IQSEC1: variants seen among roughly 807,000 people sequenced by gnomAD.
IQSEC1 encodes IQ motif and Sec7 domain ArfGEF 1, also known as IQ motif and SEC7 domain-containing protein 1.
Under a neutral mutation model 91.0 loss-of-function variants are expected in IQSEC1, and 31 were observed. That is an observed-to-expected ratio of 0.34 (90% confidence interval 0.26 to 0.46). The LOEUF (loss-of-function observed/expected upper bound fraction) is 0.46. Ranked by LOEUF, IQSEC1 falls within the 20% of genes least tolerant of loss-of-function variation. The pLI is 1.00. For synonymous variants in IQSEC1, 699 were observed against 662.6 expected, an observed-to-expected ratio of 1.05 and a Z score of -0.84; for missense variants, 1,388 against 1,575.6, an observed-to-expected ratio of 0.88 and a Z score of 2.02.
rs1363884003 is a variant in IQSEC1 at position 13,073,027 on chromosome 3, C to G, written c.-13G>C. 6.4e-7 allele frequency: 1 copy of G among 1,551,634 alleles called. No homozygotes were observed. Among genetic ancestry groups the G allele is most frequent in the Admixed American group, 2.0e-5 (1 of 50,990 alleles). On this transcript the variant is annotated 5_prime_UTR_variant, in exon 1 of 14. Transcript: ENST00000613206. ...TTCTGCAAGCCATCCTGTGTGAATC[C>G]GTTCTTCCCTGTTCTGGCTCCCTCT... is the stretch of plus-strand genomic sequence containing the variant.
At position 13,193,786 on chromosome 3, in the gene IQSEC1, C is replaced by T. The variant is rs1204625677; in HGVS notation, c.273-29653G>A. ...CCCACTTCCCCCGGCCCCACACCCT[C>T]CTGCCTGCACCTGCTCACACCCAGA... On this transcript the variant is annotated intron_variant, in intron 1 of 15. Transcript: ENST00000648114. The surrounding 1 kb of genome is among the most constrained non-coding windows in gnomAD (Gnocchi z 4.2). Among the ~76,000 whole-genome samples the T allele has an allele frequency of 6.6e-6, 1 of 152,184 alleles. No individual in the cohort carries two copies. Among genetic ancestry groups the T allele is most frequent in the Non-Finnish European group, 1.5e-5 (1 of 68,036 alleles).
rs547185921 is a variant in IQSEC1 at position 12,970,427 on chromosome 3, A to G, written c.24-28562T>C. Among the ~76,000 whole-genome samples the G allele has an allele frequency of 6.6e-6, 1 of 152,260 alleles. No homozygotes were observed. Among genetic ancestry groups the G allele is most frequent in the Non-Finnish European group, 1.5e-5 (1 of 68,008 alleles). ...CTTGCCTTGGCCCATTTCACATGCT[A>G]CAACCCGACTTTATCTCTATCCTCC... On this transcript the variant is annotated intron_variant, in intron 1 of 13. Coordinates refer to ENST00000613206, the MANE Select transcript of IQSEC1 (RefSeq NM_001134382.3). The surrounding 1 kb of genome is among the most constrained non-coding windows in gnomAD (Gnocchi z 4.4).
intron 1 of IQSEC1, among the ~76,000 whole-genome samples, chr3:12,968,033 G>A (rs1700721116): frequency 6.6e-6 from 1 of 152,230 alleles, no homozygotes; most frequent in Non-Finnish European, 1.5e-5. Context: ...TCTGGAAGGA[G>A]GACTTTGCGC....
At chr3:13,123,617 T>C (rs1443107079) in intron 2 of IQSEC1, among the ~76,000 whole-genome samples, 1 of 152,252 alleles carries the variant, frequency 6.6e-6, no homozygotes, top group Non-Finnish European at 1.5e-5. Flanking sequence ...AGCCAGCCTT[T>C]GTCAGGTACA....
intron 1 of IQSEC1, among the ~76,000 whole-genome samples, chr3:13,174,677 C>T (rs1203351464): frequency 6.6e-6 from 1 of 152,152 alleles, no homozygotes; most frequent in East Asian, 1.9e-4. Context: ...CAGGTGTGTC[C>T]TCGTGGGTCC....
In IQSEC1 at chr3:13,112,184, A is replaced by G. The variant is rs541936159; in HGVS notation, c.302+51920T>C. Among the ~76,000 whole-genome samples, 14 of 152,318 alleles carry G rather than the reference A, an allele frequency of 9.2e-5. No individual in the cohort carries two copies. In the South Asian group the frequency reaches 2.9e-3, roughly 32 times the overall value. On this transcript the variant is annotated intron_variant, in intron 2 of 15. Coordinates refer to the IQSEC1 transcript ENST00000648114. ...ATCTGTAACCCTAATGCAAACACAC[A>G]GAGGGAGTTAGCGGCTTCCTCCTGG...
chr3:13,088,497 T>G (rs1705779118), intron 2 of IQSEC1, among the ~76,000 whole-genome samples: 1 of 150,622 alleles, frequency 6.6e-6, no homozygotes, highest in African/African-American at 2.5e-5. Flanking sequence ...TCCACACCCC[T>G]CCCTGGTTCC....
chr3:13,025,202 G>A (rs1703565793), intron 1 of IQSEC1, among the ~76,000 whole-genome samples: 1 of 152,240 alleles, frequency 6.6e-6, no homozygotes, highest in Non-Finnish European at 1.5e-5. Context: ...GCGAGGGCAG[G>A]TCTGCGTGGA....
chr3:13,232,244 C>T (rs1343268342), intron 1 of IQSEC1, among the ~76,000 whole-genome samples: 1 of 152,214 alleles, frequency 6.6e-6, no homozygotes, highest in Non-Finnish European at 1.5e-5. Context: ...CCACCACTGT[C>T]CTATCATAGA....
chr3:13,095,129 C>T (rs2125145678), intron 2 of IQSEC1, among the ~76,000 whole-genome samples: 1 of 152,094 alleles, frequency 6.6e-6, no homozygotes, highest in Admixed American at 6.5e-5. Flanking sequence ...AAGAATCTAC[C>T]TCCATCTCTG....
intron 1 of IQSEC1, among the ~76,000 whole-genome samples, chr3:13,005,137 G>T (rs1336067197): frequency 6.6e-6 from 1 of 152,162 alleles, no homozygotes. Flanking sequence ...TTCAATCTTG[G>T]ATATTAACCC....
rs1041797889 is a variant in IQSEC1, at chr3:13,282,231, A to G, written c.272+480T>C. Reference sequence around the variant, plus strand: ...CCGGACTGGACACAGCGCAGAGTCCATTCCAGGGACACCGCAACCCGCAAG... The same window carrying G: ...CCGGACTGGACACAGCGCAGAGTCCGTTCCAGGGACACCGCAACCCGCAAG... On this transcript the variant is annotated intron_variant, in intron 1 of 15. Transcript: ENST00000648114. This position sits in a 1 kb window ranked among gnomAD's most constrained non-coding sequence, Gnocchi z 6.4. 2.6e-5 allele frequency among the ~76,000 whole-genome samples: 4 copies of G among 152,178 alleles called. No individual in the cohort carries two copies. Among genetic ancestry groups the G allele is most frequent in the Non-Finnish European group, 5.9e-5 (4 of 68,010 alleles).
intron 1 of IQSEC1, among the ~76,000 whole-genome samples, chr3:13,034,888 G>C (rs1247220975): frequency 1.3e-5 from 2 of 152,226 alleles, no homozygotes; most frequent in African/African-American, 4.8e-5. Flanking sequence ...CAGCACACAG[G>C]CTCCCCTAAC....
chr3:12,976,306 A>G lies in IQSEC1; in HGVS notation c.24-34441T>C, dbSNP rs553082520. ...AGGGACTCTGCCAGCCCTGCTGAGCACACCCCACAAGCCCAGGTGGGGTCA... is the reference window on the plus strand; with the variant it reads ...AGGGACTCTGCCAGCCCTGCTGAGCGCACCCCACAAGCCCAGGTGGGGTCA... On this transcript the variant is annotated intron_variant, in intron 1 of 13. Coordinates refer to ENST00000613206, the MANE Select transcript of IQSEC1 (RefSeq NM_001134382.3). Among the ~76,000 whole-genome samples, 1,040 of 152,332 alleles carry G rather than the reference A, an allele frequency of 6.8e-3. 16 individuals are homozygous for G. The highest frequency in any genetic ancestry group is 0.024 in the African/African-American group (982 of 41,578).
At chr3:13,091,877 C>T (rs187405666) in intron 2 of IQSEC1, among the ~76,000 whole-genome samples, 1 of 151,706 alleles carries the variant, frequency 6.6e-6, no homozygotes, top group South Asian at 2.1e-4. Context: ...CTAGACTGTT[C>T]AGGCTTCCTC....
chr3:13,101,305 C>T (rs1330309727), intron 2 of IQSEC1, among the ~76,000 whole-genome samples: 1 of 151,980 alleles, frequency 6.6e-6, no homozygotes, highest in Non-Finnish European at 1.5e-5. Context: ...CATGGTGAAA[C>T]CCCATCTCTA....
chr3:13,182,373 C>T lies in IQSEC1; in HGVS notation c.273-18240G>A, dbSNP rs141150299. Among the ~76,000 whole-genome samples the T allele has an allele frequency of 4.5e-3, 683 of 152,286 alleles. 7 individuals carry two copies. The highest frequency in any genetic ancestry group is 9.4e-3 in the Admixed American group (144 of 15,300). The stretch of plus-strand genomic sequence containing the variant: ...CAATCACAGCCCCATACTCACGAGC[C>T]ACAATGACTTGTCCAAGGATAATAA... On this transcript the variant is annotated intron_variant, in intron 1 of 15. Transcript: ENST00000648114.
chr3:12,978,679 T>C (rs1701305542), intron 1 of IQSEC1, among the ~76,000 whole-genome samples: 1 of 150,014 alleles, frequency 6.7e-6, no homozygotes, highest in East Asian at 1.9e-4. Flanking sequence ...CACTCCAACC[T>C]GGGCAATAGA....
upstream of IQSEC1, among the ~76,000 whole-genome samples, chr3:13,075,278 G>A (rs1015432191): frequency 1.3e-5 from 2 of 152,136 alleles, no homozygotes; most frequent in Non-Finnish European, 2.9e-5. Context: ...TCTCAGAAGC[G>A]CCCTACGAAG....
Sources: allele counts gnomAD v4.1 joint callset (sites outside exome capture counted in the v4.1 genomes callset), GRCh38; gene constraint gnomAD v4.1.1; non-coding constraint Gnocchi (gnomAD v3.1); transcripts MANE v1.5; gene names NCBI Gene and HGNC (gene_info 2026-07-23, HGNC 2026-07-21).